Variants in SEPTIN7 observed in about 807,000 individuals in gnomAD.
The protein encoded by SEPTIN7 is septin 7, also known as septin-7.
In SEPTIN7, 10 loss-of-function variants were observed where a neutral mutation model predicts 63.3. That is an observed-to-expected ratio of 0.16 (90% CI 0.10 to 0.27). The LOEUF (loss-of-function observed/expected upper bound fraction) is 0.27, where lower values mean the gene tolerates loss of function less well. Ranked by LOEUF, SEPTIN7 falls within the 10% of genes least tolerant of loss-of-function variation. SEPTIN7 has a pLI of 1.00. For synonymous variants in SEPTIN7, 131 were observed against 165.3 expected (o/e 0.79, Z 1.59); for missense variants, 310 against 521.0 (o/e 0.59, Z 3.94).
chr7:35,832,278 A>G (rs1783869811), intron 2 of SEPTIN7, among the ~76,000 whole-genome samples: 1 of 152,122 alleles, frequency 6.6e-6, no homozygotes, highest in African/African-American at 2.4e-5. Flanking sequence ...CACTGATCAC[A>G]AGAGCCTTCA....
chr7:35,807,553 C>CG (rs1788431825), intron 1 of SEPTIN7, among the ~76,000 whole-genome samples: 1 of 151,738 alleles, frequency 6.6e-6, no homozygotes, highest in Non-Finnish European at 1.5e-5. Flanking sequence ...TTAGTAGAGA[C>CG]GGGGTTTCAC....
intron 1 of SEPTIN7, among the ~76,000 whole-genome samples, chr7:35,815,676 A>C (rs993619850): frequency 3.9e-5 from 6 of 152,222 alleles, no homozygotes; most frequent in African/African-American, 1.4e-4. Context: ...ATAGTATGCT[A>C]ATACCTTATG....
At position 35,823,805 on chromosome 7, in the gene SEPTIN7, A is replaced by C. The variant is rs535694654; in HGVS notation, c.62-7687A>C. Among the ~76,000 whole-genome samples the C allele has an allele frequency of 7.9e-5, 12 of 152,132 alleles. 1 individual carries two copies. The highest frequency in any genetic ancestry group is 7.2e-4 in the Admixed American group (11 of 15,290). On this transcript the variant is annotated intron_variant, in intron 1 of 13. Coordinates refer to ENST00000350320, the MANE Select transcript of SEPTIN7 (RefSeq NM_001788.6). ...TTACGTATTCCTAGTCTCTCTCTCT[A>C]TTCTTATGGTTGCTGTTTCACATCT...
chr7:35,864,283 C>T (rs540904540), intron 4 of SEPTIN7, among the ~76,000 whole-genome samples: 6 of 152,214 alleles, frequency 3.9e-5, no homozygotes, highest in Admixed American at 1.3e-4. Flanking sequence ...TTCCAATCCT[C>T]GGTATCCTGT....
At chr7:35,819,893 A>G (rs1384025243) in intron 1 of SEPTIN7, among the ~76,000 whole-genome samples, 1 of 151,940 alleles carries the variant, frequency 6.6e-6, no homozygotes, top group Non-Finnish European at 1.5e-5. Context: ...GAGTCCTATT[A>G]TACCTGAAAC....
chr7:35,875,363 A>C (rs1202724144), intron 6 of SEPTIN7, among the ~76,000 whole-genome samples: 1 of 152,172 alleles, frequency 6.6e-6, no homozygotes. Context: ...TAAGTGAAGG[A>C]ATATGACACA....
At chr7:35,891,183 G>A (rs1787617943) in intron 11 of SEPTIN7, among the ~76,000 whole-genome samples, 1 of 152,142 alleles carries the variant, frequency 6.6e-6, no homozygotes, top group Admixed American at 6.6e-5. Flanking sequence ...TATATCTCAA[G>A]CTGTGGTGGT....
chr7:35,892,166 G>C (rs1562584273), intron 11 of SEPTIN7, among the ~76,000 whole-genome samples: 1 of 152,148 alleles, frequency 6.6e-6, no homozygotes, highest in African/African-American at 2.4e-5. Flanking sequence ...CGATAATCCT[G>C]AAGGATCAAC....
intron 1 of SEPTIN7, among the ~76,000 whole-genome samples, chr7:35,831,107 A>G (rs1380986309): frequency 2.0e-5 from 3 of 152,036 alleles, no homozygotes; most frequent in African/African-American, 7.2e-5. Context: ...CTGGATCTTT[A>G]TACTTTTGTA....
intron 3 of SEPTIN7, among the ~76,000 whole-genome samples, chr7:35,842,155 C>T (rs1784436634): frequency 6.6e-6 from 1 of 152,054 alleles, no homozygotes; most frequent in Non-Finnish European, 1.5e-5. Context: ...TCAAGTATTA[C>T]ATTTTTTAAT....
rs373024051 is a variant in SEPTIN7 at position 35,885,761 on chromosome 7, G to T, written c.821-67G>T. The T allele has an allele frequency of 9.2e-5, 115 of 1,251,222 alleles. No homozygotes were observed. In the Middle Eastern group the frequency reaches 2.0e-3, roughly 22 times the overall value. The allele number at this position is 1,251,222 out of a possible 1,614,324, so 77.5% of individuals were successfully genotyped here. A position where few individuals can be genotyped will look rare whatever the true frequency, so the allele number is the denominator to read the frequency against. ...TTGTTTTTACACCCCAAGTTCCTGT[G>T]AAATATTTTTTGAAAAGACTAGGTT... is the stretch of plus-strand genomic sequence containing the variant. On this transcript the variant is annotated intron_variant, in intron 9 of 13. Transcript: ENST00000350320.
At chr7:35,804,835 GTT>G (rs57782019) in intron 1 of SEPTIN7, among the ~76,000 whole-genome samples, 8 of 123,308 alleles carry the variant, frequency 6.5e-5, no homozygotes, top group African/African-American at 9.1e-5. Flanking sequence ...TTCTTTTTTT[GTT>G]TTTTTTTTTT....
chr7:35,805,351 T>G (rs902178400), intron 1 of SEPTIN7, among the ~76,000 whole-genome samples: 1 of 152,194 alleles, frequency 6.6e-6, no homozygotes, highest in African/African-American at 2.4e-5. Flanking sequence ...ATGACTATAC[T>G]GCAAATAAAA....
intron 3 of SEPTIN7, 72 bp downstream of exon 3, chr7:35,832,972 T>C: frequency 1.1e-5 from 9 of 846,080 alleles, no homozygotes; most frequent in Non-Finnish European, 1.8e-5. Context: ...TGAATAGATT[T>C]AAGAAAACAC....
At chr7:35,848,550 T>G (rs1784809837) in intron 3 of SEPTIN7, among the ~76,000 whole-genome samples, 1 of 152,112 alleles carries the variant, frequency 6.6e-6, no homozygotes. Context: ...GAATGATCAA[T>G]TAGAATTTCA....
At chr7:35,903,020 A>T (rs1374398797) in intron 12 of SEPTIN7, 56 bp from the exon 13 acceptor site, 1 of 1,503,008 alleles carries the variant, frequency 6.7e-7, no homozygotes, top group Non-Finnish European at 8.9e-7. Flanking sequence ...GATGAAACAT[A>T]CCTCTGCTTC....
chr7:35,801,084 C>A lies in SEPTIN7; in HGVS notation c.-126C>A. 1.5e-6 allele frequency: 1 copy of A among 659,430 alleles called. No individual in the cohort carries two copies. The highest frequency in any genetic ancestry group is 2.4e-6 in the Non-Finnish European group (1 of 424,150). The allele number at this position is 659,430 out of a possible 1,614,324, so 40.8% of individuals were successfully genotyped here. On this transcript the variant is annotated 5_prime_UTR_variant, in exon 1 of 14. Transcript: ENST00000350320. ...TCGAGCGAGAGCCTGTGGAGGAGTC[C>A]GCCTGCTGTAGCGTGCGTAAGCAAG...
chr7:35,910,112 C>T (rs569710341), downstream of SEPTIN7, among the ~76,000 whole-genome samples: 179 of 152,332 alleles, frequency 1.2e-3, no homozygotes, highest in African/African-American at 4.2e-3. Context: ...GGCTGGCTTT[C>T]TCCTAGAGCA....
chr7:35,842,974 G>A (rs1269144020), intron 3 of SEPTIN7, among the ~76,000 whole-genome samples: 1 of 151,932 alleles, frequency 6.6e-6, no homozygotes, highest in African/African-American at 2.4e-5. Context: ...AAAAATATAA[G>A]TGCACACTTA....
Sources: allele counts gnomAD v4.1 joint callset (sites outside exome capture counted in the v4.1 genomes callset), GRCh38; gene constraint gnomAD v4.1.1; transcripts MANE v1.5; gene names NCBI Gene and HGNC (gene_info 2026-07-23, HGNC 2026-07-21).